The following TACR3 variants were observed in gnomAD, a reference collection of about 807,000 sequenced individuals.
TACR3 encodes the protein tachykinin receptor 3, also known as neuromedin-K receptor.
In TACR3, 34 loss-of-function variants were observed where a neutral mutation model predicts 35.0. The ratio of observed to expected loss-of-function variants is 0.97; its 90% CI spans 0.74 to 1.30. The LOEUF is 1.30. Ranked by LOEUF, TACR3 falls within the 50% of genes most tolerant of loss-of-function variation. The probability of loss-of-function intolerance (pLI) is 0.00; values close to 1 mark genes in which losing one functional copy is unlikely to be tolerated. For synonymous variants in TACR3, 233 were observed against 221.1 expected (o/e 1.05, Z -0.48); for missense variants, 558 against 591.7 (o/e 0.94, Z 0.59).
At chr4:103,603,405 G>C (rs537392412) in intron 3 of TACR3, among the ~76,000 whole-genome samples, 1 of 152,166 alleles carries the variant, frequency 6.6e-6, no homozygotes, top group Admixed American at 6.5e-5. Flanking sequence ...CCACTGTCTT[G>C]CACCTACTGT....
In TACR3 at chr4:103,715,473, C is replaced by A. The variant is rs116236550; in HGVS notation, c.548+3655G>T. On this transcript the variant is annotated intron_variant, in intron 1 of 4. Coordinates refer to ENST00000304883, the MANE Select transcript of TACR3 (RefSeq NM_001059.3). ...CTCTCCAGAAGCAGAAGCCATTATGCTTCCTGTATAGCCTGGGGAACCATG... is the reference window on the plus strand; with the variant it reads ...CTCTCCAGAAGCAGAAGCCATTATGATTCCTGTATAGCCTGGGGAACCATG... Among the ~76,000 whole-genome samples the A allele has an allele frequency of 5.7e-3, 869 of 152,264 alleles. 7 individuals carry two copies. Among genetic ancestry groups the A allele is most frequent in the African/African-American group, 0.02 (821 of 41,558 alleles).
At position 103,704,315 on chromosome 4, in the gene TACR3, T is replaced by C. The variant is rs1230218052; in HGVS notation, c.548+14813A>G. On this transcript the variant is annotated intron_variant, in intron 1 of 4. Coordinates refer to ENST00000304883, the MANE Select transcript of TACR3 (RefSeq NM_001059.3). ...AAAAATAGCAATATGGAAAAGGAGA[T>C]GGCATCCTACTCCAGTGAAATGGTC... is the stretch of plus-strand genomic sequence containing the variant. Among the ~76,000 whole-genome samples, 12 of 152,254 alleles carry C rather than the reference T, an allele frequency of 7.9e-5. No individual in the cohort carries two copies. The South Asian group carries it at 1.0e-3, about 13-fold the overall frequency.
intron 3 of TACR3, among the ~76,000 whole-genome samples, chr4:103,592,046 ATAT>A (rs1326713651): frequency 6.6e-6 from 1 of 152,124 alleles, no homozygotes; most frequent in African/African-American, 2.4e-5. Flanking sequence ...GATAGTGGAG[ATAT>A]TATCTCCAGG....
rs773215521 is a variant in TACR3, at chr4:103,719,506, G to T, written c.170C>A (p.Ala57Glu). Residue 57 changes from alanine (A) to glutamate (E), a missense_variant, in exon 1 of 5, where the codon GCG (alanine) becomes GAG (glutamate). Transcript: ENST00000304883. The stretch of plus-strand genomic sequence containing the variant: ...GGGGGAAGCCACAGGCAGTCCCAGC[G>T]CGGAAGGGGAGGAGGAGAGGTTGCC... ...QAGNLSSSPS[A>E]LGLPVASPAP... 4 of 1,610,852 alleles carry T rather than the reference G, an allele frequency of 2.5e-6. No individual in the cohort carries two copies. The highest frequency in any genetic ancestry group is 2.2e-5 in the South Asian group (2 of 91,018).
At chr4:103,596,900 C>T (rs7437052) in intron 3 of TACR3, among the ~76,000 whole-genome samples, 132,367 of 151,378 alleles carry the variant, frequency 0.87, 58,328 homozygotes, top group East Asian at 1. Context: ...TGGTTTCCAG[C>T]TTCATCCATG....
At chr4:103,604,162 A>T (rs1450898274) in intron 3 of TACR3, among the ~76,000 whole-genome samples, 2 of 152,250 alleles carry the variant, frequency 1.3e-5, no homozygotes, top group African/African-American at 4.8e-5. Context: ...ATAGTAACCA[A>T]AACACCATGG....
intron 1 of TACR3, among the ~76,000 whole-genome samples, chr4:103,697,867 A>C (rs1722558914): frequency 6.6e-6 from 1 of 152,192 alleles, no homozygotes; most frequent in Non-Finnish European, 1.5e-5. Context: ...TAAAACTTTA[A>C]AGCTAGTATC....
At chr4:103,600,713 A>G (rs138904401) in intron 3 of TACR3, among the ~76,000 whole-genome samples, 335 of 152,234 alleles carry the variant, frequency 2.2e-3, no homozygotes, top group African/African-American at 7.5e-3. Flanking sequence ...TCATTTCATT[A>G]TTTACCCAGT....
At chr4:103,711,346 A>G (rs1560541638) in intron 1 of TACR3, among the ~76,000 whole-genome samples, 1 of 152,210 alleles carries the variant, frequency 6.6e-6, no homozygotes, top group African/African-American at 2.4e-5. Flanking sequence ...ACATACGCAA[A>G]TCAATAAACA....
intron 1 of TACR3, among the ~76,000 whole-genome samples, chr4:103,688,798 G>A (rs1722319381): frequency 6.6e-6 from 1 of 152,142 alleles, no homozygotes; most frequent in African/African-American, 2.4e-5. Context: ...TACACTGTTG[G>A]TGGAACTGTA....
At chr4:103,678,160 A>G (rs1324650461) in intron 1 of TACR3, among the ~76,000 whole-genome samples, 2 of 152,166 alleles carry the variant, frequency 1.3e-5, no homozygotes, top group Non-Finnish European at 2.9e-5. Context: ...AAATGGAAAT[A>G]TTCAGTGTGA....
At chr4:103,618,149 C>T (rs1724701035) in intron 3 of TACR3, among the ~76,000 whole-genome samples, 1 of 152,102 alleles carries the variant, frequency 6.6e-6, no homozygotes, top group Non-Finnish European at 1.5e-5. Flanking sequence ...AAATTCTTTG[C>T]CAAGGTCGAT....
intron 3 of TACR3, among the ~76,000 whole-genome samples, chr4:103,611,549 T>C (rs1724512095): frequency 6.6e-6 from 1 of 152,196 alleles, no homozygotes; most frequent in African/African-American, 2.4e-5. Context: ...CAAGGCTCTG[T>C]GCCACATGCA....
intron 3 of TACR3, among the ~76,000 whole-genome samples, chr4:103,601,964 A>G (rs1266492384): frequency 6.6e-6 from 1 of 152,260 alleles, no homozygotes; most frequent in African/African-American, 2.4e-5. Context: ...TCTCCTAGAT[A>G]GTATCCTGCA....
rs1273120846 is a variant in TACR3 at position 103,620,989 on chromosome 4, C to T, written c.889-29306G>A. 4.6e-5 allele frequency among the ~76,000 whole-genome samples: 7 copies of T among 152,314 alleles called. No individual in the cohort carries two copies. In the South Asian group the frequency reaches 1.4e-3, roughly 32 times the overall value. On this transcript the variant is annotated intron_variant, in intron 3 of 4. Coordinates refer to ENST00000304883, the MANE Select transcript of TACR3 (RefSeq NM_001059.3). ...ATGTACCTTGTGAGTTGTTGAATAT[C>T]TAATGCTAAGGCATAGACCCTGCTC... is the stretch of plus-strand genomic sequence containing the variant.
At chr4:103,621,892 T>A (rs1419934388) in intron 3 of TACR3, among the ~76,000 whole-genome samples, 1 of 152,228 alleles carries the variant, frequency 6.6e-6, no homozygotes, top group Non-Finnish European at 1.5e-5. Context: ...TTGAAAGTAA[T>A]TTTTAAGGGT....
intron 3 of TACR3, among the ~76,000 whole-genome samples, chr4:103,651,619 G>T (rs1168492191): frequency 6.6e-6 from 1 of 151,558 alleles, no homozygotes; most frequent in Non-Finnish European, 1.5e-5. Context: ...GGAAGATAAA[G>T]TCCCCTTTAC....
intron 3 of TACR3, among the ~76,000 whole-genome samples, chr4:103,618,588 TTTTG>T (rs1560808943): frequency 1.2e-4 from 14 of 116,676 alleles, no homozygotes; most frequent in African/African-American, 2.6e-4. Flanking sequence ...TTTTTTTTTT[TTTTG>T]TTCCATATGA....
At chr4:103,614,628 G>A (rs565123344) in intron 3 of TACR3, among the ~76,000 whole-genome samples, 2 of 152,134 alleles carry the variant, frequency 1.3e-5, no homozygotes, top group South Asian at 4.1e-4. Context: ...GAATATTGAT[G>A]TTCAGAAAGA....
Sources: gnomAD v4.1 joint callset for allele counts (sites outside exome capture counted in the v4.1 genomes callset) on GRCh38, gnomAD v4.1.1 for gene constraint, MANE v1.5 for transcripts, NCBI Gene and HGNC (gene_info 2026-07-23, HGNC 2026-07-21) for gene names.